PCDH10: variants seen among roughly 807,000 people sequenced by gnomAD.
PCDH10 encodes the protein protocadherin-10.
A neutral mutation model predicts 74.4 loss-of-function variants in PCDH10; 15 were observed. That is an observed-to-expected ratio of 0.20 (90% CI 0.13 to 0.31). The LOEUF is 0.31. Among genes scored for constraint, PCDH10 ranks in the 10% least tolerant of loss-of-function variants. The pLI is 1.00. For missense variants in PCDH10, 1,260 were observed against 1,390.2 expected (o/e 0.91, Z 1.49); for synonymous variants, 619 against 589.8 (o/e 1.05, Z -0.72).
chr4:133,161,203 A>T (rs1353157139), intron 3 of PCDH10, among the ~76,000 whole-genome samples: 1 of 152,094 alleles, frequency 6.6e-6, no homozygotes, highest in Non-Finnish European at 1.5e-5. Context: ...TTATTTCCAG[A>T]CTTAAACAGG....
At chr4:133,156,875 A>C (rs1726877498) in intron 3 of PCDH10, among the ~76,000 whole-genome samples, 1 of 152,202 alleles carries the variant, frequency 6.6e-6, no homozygotes, top group Non-Finnish European at 1.5e-5. Flanking sequence ...TATTCTTATC[A>C]GTGCATCTTC....
intron 4 of PCDH10, among the ~76,000 whole-genome samples, chr4:133,184,674 A>G (rs1315839302): frequency 6.8e-6 from 1 of 146,052 alleles, no homozygotes; most frequent in Non-Finnish European, 1.5e-5. Flanking sequence ...ATTTATTTAT[A>G]TTTATTTACA....
intron 4 of PCDH10, among the ~76,000 whole-genome samples, chr4:133,189,620 G>A (rs1436191603): frequency 2.6e-5 from 4 of 151,932 alleles, no homozygotes; most frequent in Non-Finnish European, 5.9e-5. Flanking sequence ...TTATAAATGA[G>A]ATTAAATAAA....
chr4:133,196,901 G>C (rs1289452421), downstream of PCDH10, among the ~76,000 whole-genome samples: 2 of 152,146 alleles, frequency 1.3e-5, no homozygotes, highest in Admixed American at 1.3e-4. Context: ...CACTGATCTT[G>C]GTTACCAAAA....
intron 4 of PCDH10, among the ~76,000 whole-genome samples, chr4:133,179,245 G>A (rs1159817511): frequency 3.3e-5 from 5 of 152,084 alleles, no homozygotes; most frequent in African/African-American, 7.2e-5. Flanking sequence ...ACTAGCTTAC[G>A]AAAATCAATG....
Position 133,152,090 on chromosome 4 carries a change from C to T in PCDH10, c.1950C>T (p.Pro650=), listed in dbSNP as rs1726722664. 2.5e-6 allele frequency: 4 copies of T among 1,594,426 alleles called. No individual in the cohort carries two copies. In the African/African-American group the frequency reaches 4.0e-5, roughly 16 times the overall value. ...TARRVPAKRD[P]QRPYELVIEV... ...GCCGAGTCCCGGCCAAGCGCGACCC[C>T]CAGCGGCCTTATGAGCTGGTGATCG... Residue 650 remains proline (P), a synonymous_variant, in exon 1 of 5, where the codon CCC becomes CCT. Transcript: ENST00000264360.
intron 4 of PCDH10, among the ~76,000 whole-genome samples, chr4:133,189,864 C>T (rs941835292): frequency 6.6e-6 from 1 of 151,790 alleles, no homozygotes; most frequent in African/African-American, 2.4e-5. Context: ...ATGTAGATAA[C>T]TTTAAAAAGT....
At chr4:133,184,080 C>A (rs1053656793) in intron 4 of PCDH10, among the ~76,000 whole-genome samples, 2 of 151,984 alleles carry the variant, frequency 1.3e-5, no homozygotes, top group Non-Finnish European at 2.9e-5. Flanking sequence ...CTATGTATTT[C>A]TCACATTAAT....
At position 133,163,255 on chromosome 4, in the gene PCDH10, C is replaced by A; in HGVS notation, c.3076C>A (p.Arg1026=). 1 of 1,613,052 alleles carries A rather than the reference C, an allele frequency of 6.2e-7. No individual in the cohort carries two copies. The highest frequency in any genetic ancestry group is 8.5e-7 in the Non-Finnish European group (1 of 1,179,506). ...KELDGLLTNT[R]APYKPPYLTR... is the part of the protein sequence containing the mutation. ...GCTGGATGGACTGCTGACTAATACG[C>A]GAGCGCCTTACAAACCACCATATTT... The change falls in exon 4 of 5, where the codon CGA becomes AGA. Residue 1026 remains arginine (R), a synonymous_variant. Transcript: ENST00000264360.
chr4:133,158,544 G>C (rs997185052), intron 3 of PCDH10, among the ~76,000 whole-genome samples: 2 of 152,004 alleles, frequency 1.3e-5, no homozygotes, highest in Non-Finnish European at 2.9e-5. Flanking sequence ...ACTAATTATA[G>C]ATATAATGCA....
At chr4:133,184,765 AATATATAAATAT>A (rs1156495239) in intron 4 of PCDH10, among the ~76,000 whole-genome samples, 67 of 48,676 alleles carry the variant, frequency 1.4e-3, no homozygotes, top group African/African-American at 6.3e-3. Context: ...TATATGTGTA[AATATATAAATAT>A]ATATATAAAT....
intron 4 of PCDH10, among the ~76,000 whole-genome samples, chr4:133,170,442 A>G (rs1281457642): frequency 6.6e-6 from 1 of 152,160 alleles, no homozygotes; most frequent in Non-Finnish European, 1.5e-5. Flanking sequence ...TACATTTTAT[A>G]TGCTCTGGTT....
At position 133,151,439 on chromosome 4, in the gene PCDH10, A is replaced by G. The variant is rs1301018365; in HGVS notation, c.1299A>G (p.Val433=). 6.2e-7 allele frequency: 1 copy of G among 1,613,752 alleles called. No individual in the cohort carries two copies. Among genetic ancestry groups the G allele is most frequent in the Non-Finnish European group, 8.5e-7 (1 of 1,180,014 alleles). Residue 433 remains valine, a synonymous_variant, in exon 1 of 5, where the codon GTA becomes GTG. Transcript: ENST00000264360. The stretch of plus-strand genomic sequence containing the variant: ...CGGGGGACTCCTACACCCTGACTGT[A>G]GTGGCTCGGGACCGGGGCGAGCCTG... ...REAGDSYTLT[V]VARDRGEPAL...
At chr4:133,200,865 A>G (rs1727894861) in intron 2 of PCDH10, among the ~76,000 whole-genome samples, 1 of 152,216 alleles carries the variant, frequency 6.6e-6, no homozygotes, top group South Asian at 2.1e-4. Context: ...AAAATATACA[A>G]ATAAATTATA....
Position 133,152,382 on chromosome 4 carries a change from A to G in PCDH10, c.2242A>G (p.Ile748Val). 4.3e-6 allele frequency: 7 copies of G among 1,614,158 alleles called. No individual in the cohort carries two copies. Among genetic ancestry groups the G allele is most frequent in the Non-Finnish European group, 5.9e-6 (7 of 1,180,050 alleles). Residue 748 changes from isoleucine to valine, a missense_variant, in exon 1 of 5, where the codon ATC becomes GTC. Ile to Val is a conservative substitution (Grantham distance 29). Transcript: ENST00000264360. ...VRCQKEKKLN[I>V]YTCLASDCCL... is the part of the protein sequence containing the mutation. ...TTGCCAAAAAGAGAAGAAGCTCAAC[A>G]TCTATACTTGTCTGGCCAGCGATTG...
At chr4:133,177,786 G>C (rs187537085) in intron 4 of PCDH10, among the ~76,000 whole-genome samples, 93 of 152,094 alleles carry the variant, frequency 6.1e-4, no homozygotes, top group African/African-American at 2.2e-3. Flanking sequence ...TTATCAAAAT[G>C]CACTAGTTTT....
Position 133,163,034 on chromosome 4 carries a change from G to T in PCDH10, c.2855G>T (p.Arg952Leu). Residue 952 changes from arginine (R) to leucine (L), a missense_variant, in exon 4 of 5, where the codon CGG becomes CTG. Transcript: ENST00000264360. ...TGTAAAGCTCTGGGCCACTCAGATC[G>T]GTGCTGGATGCCTTCTTTTGTCCCT... is the stretch of plus-strand genomic sequence containing the variant. ...EECKALGHSD[R>L]CWMPSFVPSD... is the part of the protein sequence containing the mutation. The T allele has an allele frequency of 6.2e-7, 1 of 1,614,076 alleles. No homozygotes were observed. The highest frequency in any genetic ancestry group is 1.1e-5 in the South Asian group (1 of 91,082).
chr4:133,208,445 C>G (rs1384869506), exon 3 of PCDH10: 1 of 152,048 alleles, frequency 6.6e-6, no homozygotes, highest in Non-Finnish European at 1.5e-5. Context: ...TTTTCAAAAC[C>G]AATATGTATA....
rs139192984 is a variant in PCDH10 at position 133,152,767 on chromosome 4, A to G, written c.2627A>G (p.Asn876Ser). The change falls in exon 1 of 5, where the codon AAC becomes AGC. Residue 876 changes from asparagine to serine, a missense_variant. Around this residue, in one of 11 missense-constraint regions of PCDH10, gnomAD observed 587 missense variants for 616.9 expected, o/e 0.95. Coordinates refer to ENST00000264360, the MANE Select transcript of PCDH10 (RefSeq NM_032961.3). ...DIISNGSILS[N>S]ETKHQRAELS... ...ATCTCCAACGGAAGCATTTTGTCCA[A>G]CGAGGTAAGGCTGAAGCGAAAGGAC... The G allele has an allele frequency of 3.7e-6, 6 of 1,614,082 alleles. No homozygotes were observed. Among genetic ancestry groups the G allele is most frequent in the Non-Finnish European group, 5.1e-6 (6 of 1,180,044 alleles).
Sources: gnomAD v4.1 joint callset for allele counts (sites outside exome capture counted in the v4.1 genomes callset) on GRCh38, gnomAD v4.1.1 for gene constraint, gnomAD v4.1.1 regional missense constraint, MANE v1.5 for transcripts, NCBI Gene and HGNC (gene_info 2026-07-23, HGNC 2026-07-21) for gene names.